The following SLC15A5 variants were observed in gnomAD, a reference collection of about 807,000 sequenced individuals.
SLC15A5 encodes solute carrier family 15 member 5, also known as Peptide/histidine transporter ENSP00000340402.
SLC15A5 carries 58 observed loss-of-function variants against 56.1 expected under a neutral mutation model. That is an observed-to-expected ratio of 1.03 (90% CI 0.84 to 1.29). The LOEUF (loss-of-function observed/expected upper bound fraction) is 1.29, where lower values mean the gene tolerates loss of function less well. Among genes scored for constraint, SLC15A5 ranks in the 50% most tolerant of loss-of-function variants. The probability of loss-of-function intolerance (pLI) is 0.00; values close to 1 mark genes in which losing one functional copy is unlikely to be tolerated. For missense variants in SLC15A5, 681 were observed against 672.1 expected, an observed-to-expected ratio of 1.01 and a Z score of -0.15; for synonymous variants, 264 against 250.5, an observed-to-expected ratio of 1.05 and a Z score of -0.51.
chr12:16,259,736 A>G (rs1864621359), intron 2 of SLC15A5, among the ~76,000 whole-genome samples: 1 of 152,218 alleles, frequency 6.6e-6, no homozygotes, highest in African/African-American at 2.4e-5. Context: ...TATTTCCTCC[A>G]TCACACAGGA....
In SLC15A5 at chr12:16,271,599, A is replaced by AG. The variant is rs1565676293; in HGVS notation, c.584+961_584+962insC. ...GGAGCAAGAGAAAGAAAAAGAAAGA[A>AG]AGAGAAAAGAGGAACTGCCTCGGAT... On this transcript the variant is annotated intron_variant, in intron 2 of 8. Coordinates refer to ENST00000344941, the MANE Select transcript of SLC15A5 (RefSeq NM_001170798.1). This position sits in a 1 kb window ranked among gnomAD's most constrained non-coding sequence, Gnocchi z 8.0. Among the ~76,000 whole-genome samples, 495 of 152,044 alleles carry AG rather than the reference A, an allele frequency of 3.3e-3. 4 individuals are homozygous for AG. The highest frequency in any genetic ancestry group is 0.011 in the African/African-American group (465 of 41,484).
chr12:16,230,027 A>G (rs1421164097), intron 5 of SLC15A5, among the ~76,000 whole-genome samples: 1 of 152,182 alleles, frequency 6.6e-6, no homozygotes, highest in Non-Finnish European at 1.5e-5. Context: ...GAGATGGGAA[A>G]AATTAAAGAT....
At chr12:16,198,872 C>T (rs1463109829) in intron 7 of SLC15A5, among the ~76,000 whole-genome samples, 1 of 152,056 alleles carries the variant, frequency 6.6e-6, no homozygotes, top group Non-Finnish European at 1.5e-5. Context: ...ATCTAATGCC[C>T]TACGTTGTAA....
At chr12:16,238,342 G>A (rs1864372127) in intron 5 of SLC15A5, among the ~76,000 whole-genome samples, 1 of 152,082 alleles carries the variant, frequency 6.6e-6, no homozygotes, top group Non-Finnish European at 1.5e-5. Flanking sequence ...AATAAGAACA[G>A]GTTGGCCGGG....
rs1031317208 is a variant in SLC15A5 at position 16,215,224 on chromosome 12, A to C, written c.1483+1669T>G. ...TCTCAAAAAAAAAAAAAAAAAAAAA[A>C]AAAAACCAAAGTGAGGATAGTCTTG... On this transcript the variant is annotated intron_variant, in intron 7 of 8. Transcript: ENST00000344941. 1.2e-3 allele frequency among the ~76,000 whole-genome samples: 178 copies of C among 146,512 alleles called. 1 individual carries two copies. The highest frequency in any genetic ancestry group is 4.2e-3 in the African/African-American group (165 of 39,404).
chr12:16,262,140 C>T (rs1864648451), intron 2 of SLC15A5, among the ~76,000 whole-genome samples: 2 of 152,216 alleles, frequency 1.3e-5, no homozygotes, highest in South Asian at 4.1e-4. Flanking sequence ...TCCAAATTCA[C>T]ACAGCTGTGT....
At chr12:16,244,954 G>C (rs1864448371) in intron 3 of SLC15A5, among the ~76,000 whole-genome samples, 154 bp from the exon 4 acceptor site, 1 of 152,222 alleles carries the variant, frequency 6.6e-6, no homozygotes, top group African/African-American at 2.4e-5. Context: ...CCACGCTTCT[G>C]ACAGTGATTC....
chr12:16,200,794 G>C (rs1433724880), intron 7 of SLC15A5, among the ~76,000 whole-genome samples: 5 of 151,998 alleles, frequency 3.3e-5, no homozygotes. Flanking sequence ...CATTTTTAAA[G>C]TCAGAATTAA....
rs1022319084 is a variant in SLC15A5 at position 16,269,385 on chromosome 12, T to A, written c.584+3176A>T. 6.6e-5 allele frequency among the ~76,000 whole-genome samples: 10 copies of A among 152,154 alleles called. No individual in the cohort carries two copies. The highest frequency in any genetic ancestry group is 2.4e-4 in the African/African-American group (10 of 41,438). On this transcript the variant is annotated intron_variant, in intron 2 of 8. Transcript: ENST00000344941. The surrounding 1 kb of genome is among the most constrained non-coding windows in gnomAD (Gnocchi z 4.7). The stretch of plus-strand genomic sequence containing the variant: ...AAAATCCTGGTCCCTGGATCCTACC[T>A]CTAACCAATGTAATCAGAATCTTTG...
At chr12:16,212,163 G>A (rs1864090572) in intron 7 of SLC15A5, among the ~76,000 whole-genome samples, 1 of 152,138 alleles carries the variant, frequency 6.6e-6, no homozygotes, top group Non-Finnish European at 1.5e-5. Context: ...TTGTCTGATT[G>A]TTTGAGTGGC....
At chr12:16,222,220 G>A (rs116137458) in intron 6 of SLC15A5, among the ~76,000 whole-genome samples, 42 of 152,246 alleles carry the variant, frequency 2.8e-4, no homozygotes, top group African/African-American at 1.0e-3. Flanking sequence ...TATAGATGAT[G>A]AGAAAAGCCC....
chr12:16,221,973 AAAG>A (rs1864191508), intron 6 of SLC15A5, among the ~76,000 whole-genome samples: 1 of 152,186 alleles, frequency 6.6e-6, no homozygotes, highest in Admixed American at 6.5e-5. Context: ...TTTATGGCAG[AAAG>A]AGCTGGGAAC....
chr12:16,277,005 A>G (rs1320903171), intron 1 of SLC15A5, among the ~76,000 whole-genome samples: 1 of 152,034 alleles, frequency 6.6e-6, no homozygotes, highest in Non-Finnish European at 1.5e-5. Flanking sequence ...GGAATTTGTC[A>G]TGAATTTAGG....
chr12:16,204,741 AT>A (rs1342109161), intron 7 of SLC15A5, among the ~76,000 whole-genome samples: 1 of 152,002 alleles, frequency 6.6e-6, no homozygotes, highest in African/African-American at 2.4e-5. Flanking sequence ...GTTGTGAAAT[AT>A]TTAAAGTTTA....
chr12:16,274,263 T>A (rs544074969), intron 1 of SLC15A5, among the ~76,000 whole-genome samples: 75 of 152,216 alleles, frequency 4.9e-4, no homozygotes, highest in African/African-American at 1.7e-3. Flanking sequence ...TCTTTAACAA[T>A]GCAACAAGTT....
At chr12:16,217,154 G>T in intron 6 of SLC15A5, 130 bp from the exon 7 acceptor site, 1 of 929,706 alleles carries the variant, frequency 1.1e-6, no homozygotes, top group Non-Finnish European at 1.5e-6. Context: ...GTTGGACTTT[G>T]TTAAGGTTAC....
Position 16,194,435 on chromosome 12 carries a change from G to A in SLC15A5, c.1502C>T (p.Thr501Ile). The A allele has an allele frequency of 6.5e-7, 1 of 1,534,450 alleles. No individual in the cohort carries two copies. Residue 501 changes from threonine (T) to isoleucine (I), a missense_variant, in exon 8 of 9, where the codon ACA (threonine) becomes ATA (isoleucine). By Grantham distance (89) the Thr-to-Ile change is moderately conservative. Coordinates refer to ENST00000344941, the MANE Select transcript of SLC15A5 (RefSeq NM_001170798.1). ...LISDGNWFPN[T>I]LNKGNLESFF... Reference sequence around the variant, plus strand: ...GCTTTCTAAATTGCCTTTGTTTAATGTGTTTGGAAACCAATTGCCTGTTTG... The same window carrying A: ...GCTTTCTAAATTGCCTTTGTTTAATATGTTTGGAAACCAATTGCCTGTTTG...
At chr12:16,216,735 C>T (rs1864132758) in intron 7 of SLC15A5, among the ~76,000 whole-genome samples, 158 bp downstream of exon 7, 2 of 152,148 alleles carry the variant, frequency 1.3e-5, no homozygotes, top group African/African-American at 4.8e-5. Context: ...TTAATGAATA[C>T]AGCAAGAGTG....
At chr12:16,215,918 G>T (rs555218335) in intron 7 of SLC15A5, among the ~76,000 whole-genome samples, 1 of 152,276 alleles carries the variant, frequency 6.6e-6, no homozygotes, top group South Asian at 2.1e-4. Flanking sequence ...GGTATCACCA[G>T]TGCCCAGTAT....
Sources: gnomAD v4.1 joint callset for allele counts (sites outside exome capture counted in the v4.1 genomes callset) on GRCh38, gnomAD v4.1.1 for gene constraint, Gnocchi (gnomAD v3.1) non-coding constraint, MANE v1.5 for transcripts, NCBI Gene and HGNC (gene_info 2026-07-23, HGNC 2026-07-21) for gene names.